GSDME: variants seen among roughly 807,000 people sequenced by gnomAD.
GSDME encodes gasdermin E, also known as gasdermin-E.
In GSDME, 44 loss-of-function variants were observed where a neutral mutation model predicts 47.5. The ratio of observed to expected loss-of-function variants is 0.93; its 90% CI spans 0.73 to 1.19. GSDME has a LOEUF of 1.19. Ranked by LOEUF, GSDME falls within the 50% of genes most tolerant of loss-of-function variation. The pLI is 0.00. For synonymous variants in GSDME, 258 were observed against 252.8 expected (o/e 1.02, Z -0.20); for missense variants, 663 against 604.2 (o/e 1.10, Z -1.02).
At chr7:24,750,924 A>C (rs2128066416) in intron 1 of GSDME, among the ~76,000 whole-genome samples, 1 of 152,342 alleles carries the variant, frequency 6.6e-6, no homozygotes, top group African/African-American at 2.4e-5. Context: ...AACTATCTGG[A>C]AAGAAAAAAA....
Position 24,744,454 on chromosome 7 carries a change from T to C in GSDME, c.404+108A>G. The C allele has an allele frequency of 5.8e-6, 7 of 1,211,978 alleles. No homozygotes were observed. Among genetic ancestry groups the C allele is most frequent in the Non-Finnish European group, 7.3e-6 (6 of 823,930 alleles). The allele number at this position is 1,211,978 out of a possible 1,614,324, so 75.1% of individuals were successfully genotyped here. A position where few individuals can be genotyped will look rare whatever the true frequency, so the allele number is the denominator to read the frequency against. ...AACACAAGCGCATTCAATACATGTT[T>C]ATTGATCGGCAGAGATCAAATCTGT... On this transcript the variant is annotated intron_variant, in intron 3 of 9. Transcript: ENST00000645220. The surrounding 1 kb of genome is among the most constrained non-coding windows in gnomAD (Gnocchi z 4.5).
In GSDME at chr7:24,706,049, C is replaced by A. The variant is rs191263837; in HGVS notation, c.1183+135G>T. 2.0e-4 allele frequency: 229 copies of A among 1,132,020 alleles called. 3 individuals carry two copies. The African/African-American group carries it at 2.8e-3, about 14-fold the overall frequency. The allele number at this position is 1,132,020 out of a possible 1,614,324, so 70.1% of individuals were successfully genotyped here. A position where few individuals can be genotyped will look rare whatever the true frequency, so the allele number is the denominator to read the frequency against. The stretch of plus-strand genomic sequence containing the variant: ...CATCAGCCTCCCACCTCTTACCCTC[C>A]CTGTACCAGAAGGGAAGGACCTGTA... On this transcript the variant is annotated intron_variant, in intron 8 of 9. Transcript: ENST00000645220.
intron 3 of GSDME, among the ~76,000 whole-genome samples, chr7:24,731,732 G>A (rs985209217): frequency 6.6e-6 from 1 of 152,244 alleles, no homozygotes; most frequent in Non-Finnish European, 1.5e-5. Flanking sequence ...AGTTCTCACA[G>A]TAACACCGAT....
At chr7:24,700,502 C>T (rs1254491450) in intron 9 of GSDME, among the ~76,000 whole-genome samples, 1 of 152,034 alleles carries the variant, frequency 6.6e-6, no homozygotes, top group Non-Finnish European at 1.5e-5. Flanking sequence ...TTTAAGAAAT[C>T]TGAAGGGAAT....
chr7:24,771,713 A>ATGC, the GSDME span, among the ~76,000 whole-genome samples: 2 of 152,158 alleles, frequency 1.3e-5, no homozygotes, highest in African/African-American at 4.8e-5. This position sits in a 1 kb window ranked among gnomAD's most constrained non-coding sequence, Gnocchi z 4.1. Context: ...GCTTACTTGG[A>ATGC]TGCTCCACAC....
chr7:24,722,050 A>G (rs2521757), intron 3 of GSDME, among the ~76,000 whole-genome samples: 93,899 of 152,088 alleles, frequency 0.62, 31,047 homozygotes, highest in East Asian at 0.99. Flanking sequence ...TAGCTCATTC[A>G]TTTATCTGCT....
At chr7:24,766,448 C>T in the GSDME span, among the ~76,000 whole-genome samples, 1 of 152,058 alleles carries the variant, frequency 6.6e-6, no homozygotes, top group Non-Finnish European at 1.5e-5. This position sits in a 1 kb window ranked among gnomAD's most constrained non-coding sequence, Gnocchi z 4.2. Context: ...TGCTCTCCCT[C>T]CCCTAGACTC....
chr7:24,778,265 A>G, the GSDME span, among the ~76,000 whole-genome samples: 3 of 151,912 alleles, frequency 2.0e-5, no homozygotes, highest in African/African-American at 7.3e-5. The surrounding 1 kb of genome is among the most constrained non-coding windows in gnomAD (Gnocchi z 5.6). Context: ...CTTTGTAACA[A>G]AAGGCTGGAA....
At chr7:24,702,338 G>A in intron 9 of GSDME, 1 of 321,114 alleles carries the variant, frequency 3.1e-6, no homozygotes, top group South Asian at 2.8e-5. Flanking sequence ...GTCTCCCTGG[G>A]ACAGATCAGT....
chr7:24,733,465 A>G lies in GSDME; in HGVS notation c.404+11097T>C, dbSNP rs1790207396. On this transcript the variant is annotated intron_variant, in intron 3 of 9. Transcript: ENST00000645220. The surrounding 1 kb of genome is among the most constrained non-coding windows in gnomAD (Gnocchi z 4.3). ...GCTAAGCACAGTGGGGTAGAGCACC[A>G]AGCAAGCCCTTCAAGTCTCTGATTC... Among the ~76,000 whole-genome samples the G allele has an allele frequency of 6.6e-6, 1 of 152,204 alleles. No individual in the cohort carries two copies. The highest frequency in any genetic ancestry group is 2.4e-5 in the African/African-American group (1 of 41,442).
intron 1 of GSDME, among the ~76,000 whole-genome samples, 180 bp from the exon 2 acceptor site, chr7:24,749,973 G>A (rs1790804347): frequency 6.6e-6 from 1 of 152,240 alleles, no homozygotes; most frequent in South Asian, 2.1e-4. Context: ...GATATTGAAA[G>A]AACATATATA....
the GSDME span, among the ~76,000 whole-genome samples, chr7:24,793,125 A>C: frequency 6.6e-6 from 1 of 152,204 alleles, no homozygotes; most frequent in Middle Eastern, 3.2e-3. Context: ...AGATAAGCTA[A>C]ATTTCACCTT....
intron 9 of GSDME, among the ~76,000 whole-genome samples, chr7:24,701,144 T>C (rs1428125234): frequency 6.6e-6 from 1 of 152,232 alleles, no homozygotes; most frequent in African/African-American, 2.4e-5. Context: ...TTGTGCCGTT[T>C]TAAGTAAATC....
At chr7:24,761,603 C>T (rs1351338306), upstream of GSDME, among the ~76,000 whole-genome samples, 1 of 152,222 alleles carries the variant, frequency 6.6e-6, no homozygotes, top group Non-Finnish European at 1.5e-5. This position sits in a 1 kb window ranked among gnomAD's most constrained non-coding sequence, Gnocchi z 4.4. Flanking sequence ...TTTGGGGGAA[C>T]ACAAACATTC....
At chr7:24,766,476 C>G in the GSDME span, among the ~76,000 whole-genome samples, 1 of 152,004 alleles carries the variant, frequency 6.6e-6, no homozygotes, top group Non-Finnish European at 1.5e-5. The surrounding 1 kb of genome is among the most constrained non-coding windows in gnomAD (Gnocchi z 4.2). Flanking sequence ...CCGACAGGCC[C>G]CGGTGTGTGA....
rs114138372 is a variant in GSDME, at chr7:24,756,841, G to C, written c.-20+555C>G. ...ATGCCAGGCACACCGAGTGGGGCTT[G>C]GCCTCCTCCCCAAGCTAGGAGCTCT... is the stretch of plus-strand genomic sequence containing the variant. On this transcript the variant is annotated intron_variant, in intron 1 of 9. Coordinates refer to ENST00000645220, the MANE Select transcript of GSDME (RefSeq NM_001127453.2). The surrounding 1 kb of genome is among the most constrained non-coding windows in gnomAD (Gnocchi z 4.2). Among the ~76,000 whole-genome samples, 1,636 of 152,246 alleles carry C rather than the reference G, an allele frequency of 0.011. 30 individuals carry two copies. The highest frequency in any genetic ancestry group is 0.037 in the African/African-American group (1,531 of 41,538).
At chr7:24,718,661 C>T (rs1789658744) in intron 4 of GSDME, among the ~76,000 whole-genome samples, 2 of 152,208 alleles carry the variant, frequency 1.3e-5, no homozygotes, top group South Asian at 4.1e-4. Flanking sequence ...CAACCCTGCC[C>T]TGCTTCAGGA....
At chr7:24,752,159 A>T (rs537713902) in intron 1 of GSDME, among the ~76,000 whole-genome samples, 5 of 152,346 alleles carry the variant, frequency 3.3e-5, no homozygotes, top group African/African-American at 1.2e-4. Context: ...AGTGCCAAGC[A>T]AATGGGTTAC....
In GSDME at chr7:24,717,245, G is replaced by A. The variant is rs1198740562; in HGVS notation, c.697+9C>T. On this transcript the variant is annotated intron_variant, in intron 5 of 9. Transcript: ENST00000645220. Reference sequence around the variant, plus strand: ...GGATCCCTCAGCACCCATAGGAGGTGGCACTCACCGAACTGGCCGTCCAGT... The same window carrying A: ...GGATCCCTCAGCACCCATAGGAGGTAGCACTCACCGAACTGGCCGTCCAGT... The A allele has an allele frequency of 1.2e-6, 2 of 1,613,964 alleles. No homozygotes were observed. The highest frequency in any genetic ancestry group is 1.7e-6 in the Non-Finnish European group (2 of 1,180,018).
Sources: allele counts gnomAD v4.1 joint callset (sites outside exome capture counted in the v4.1 genomes callset), GRCh38; gene constraint gnomAD v4.1.1; non-coding constraint Gnocchi (gnomAD v3.1); transcripts MANE v1.5; gene names NCBI Gene and HGNC (gene_info 2026-07-23, HGNC 2026-07-21).